ZNF442: variants seen among roughly 807,000 people sequenced by gnomAD.
ZNF442 encodes zinc finger protein 442.
ZNF442 carries 45 observed loss-of-function variants against 57.0 expected under a neutral mutation model. The observed-to-expected ratio is 0.79, with a 90% CI of 0.62 to 1.01. The LOEUF is 1.01. ZNF442 is among the 50% of genes least tolerant of loss of function. ZNF442 has a pLI of 0.00. For missense variants in ZNF442, 690 were observed against 756.5 expected (o/e 0.91, Z 1.03); for synonymous variants, 213 against 241.8 (o/e 0.88, Z 1.10).
rs1014900412 is a variant in ZNF442, at chr19:12,348,794, T to G, written c.*907A>C. Reference sequence around the variant, plus strand: ...ATCATCATGATCATGATCATCATCATCATCCTTGGGTTATCAAGCAAGAAG... The same window carrying G: ...ATCATCATGATCATGATCATCATCAGCATCCTTGGGTTATCAAGCAAGAAG... On this transcript the variant is annotated 3_prime_UTR_variant, in exon 6 of 6. Coordinates refer to ENST00000242804, the MANE Select transcript of ZNF442 (RefSeq NM_030824.3). 6.6e-6 allele frequency: 1 copy of G among 152,084 alleles called. No homozygotes were observed. The highest frequency in any genetic ancestry group is 2.4e-5 in the African/African-American group (1 of 41,392). The allele number at this position is 152,084 out of a possible 1,614,324, so 9.4% of individuals were successfully genotyped here.
the ZNF442 span, among the ~76,000 whole-genome samples, chr19:12,371,684 C>T: frequency 6.6e-6 from 1 of 152,150 alleles, no homozygotes; most frequent in Non-Finnish European, 1.5e-5. Context: ...CTGACAAAAT[C>T]AAGCAATGGG....
chr19:12,357,974 T>C (rs1969361474), intron 3 of ZNF442, among the ~76,000 whole-genome samples: 1 of 151,556 alleles, frequency 6.6e-6, no homozygotes, highest in African/African-American at 2.4e-5. Context: ...TTTTTTTTTT[T>C]TTTTTTGAGA....
rs1750393084 is a variant in ZNF442 at position 12,365,572 on chromosome 19, GT to G, written c.-523del. 2.4e-6 allele frequency: 1 copy of G among 423,688 alleles called. No homozygotes were observed. Among genetic ancestry groups the G allele is most frequent in the Non-Finnish European group, 4.4e-6 (1 of 228,494 alleles). 26.2% of individuals were successfully genotyped at this position (423,688 alleles called of 1,614,324 possible). A position where few individuals can be genotyped will look rare whatever the true frequency, so the allele number is the denominator to read the frequency against. ...CGCGGTGTCCCGTGTTCTCCCCAAG[GT>G]TCCCCGCTGCCAGCATAGGACTCAG... On this transcript the variant is annotated 5_prime_UTR_variant, in exon 1 of 6. An upstream open reading frame in the 5' UTR gains an earlier in-frame stop. Transcript: ENST00000242804.
intron 3 of ZNF442, among the ~76,000 whole-genome samples, chr19:12,362,544 T>TG (rs2144841945): frequency 6.8e-6 from 1 of 147,750 alleles, no homozygotes; most frequent in East Asian, 2.1e-4. Flanking sequence ...CTCCAGGAGG[T>TG]GGGGGACAGC....
At chr19:12,361,869 G>A (rs1277621792) in intron 3 of ZNF442, among the ~76,000 whole-genome samples, 9 of 152,154 alleles carry the variant, frequency 5.9e-5, no homozygotes, top group South Asian at 2.1e-4. Flanking sequence ...GCAGGAGCAC[G>A]CCACCACGCC....
At chr19:12,367,321 G>A (rs1322146651), upstream of ZNF442, among the ~76,000 whole-genome samples, 1 of 152,084 alleles carries the variant, frequency 6.6e-6, no homozygotes, top group African/African-American at 2.4e-5. Context: ...TAGGGGAGGG[G>A]GTGTACGAAC....
At chr19:12,356,470 A>C (rs975713172) in intron 3 of ZNF442, among the ~76,000 whole-genome samples, 2 of 152,110 alleles carry the variant, frequency 1.3e-5, no homozygotes, top group Non-Finnish European at 2.9e-5. Flanking sequence ...TCTACTAAAA[A>C]TACAAAATTA....
chr19:12,350,817 T>C lies in ZNF442; in HGVS notation c.768A>G (p.Glu256=), dbSNP rs1430121870. The C allele has an allele frequency of 1.2e-6, 2 of 1,613,818 alleles. No individual in the cohort carries two copies. Among genetic ancestry groups the C allele is most frequent in the African/African-American group, 2.7e-5 (2 of 74,838 alleles). The part of the protein sequence containing the change: ...FPIYSSYLRH[E]RTHTGEKPYE... ...ATGGTTTCTCCCCAGTGTGTGTTCT[T>C]TCATGTCTTAGATAGGAACTGTAAA... Residue 256 remains glutamate (E), a synonymous_variant, in exon 6 of 6, where the codon GAA becomes GAG. Coordinates refer to ENST00000242804, the MANE Select transcript of ZNF442 (RefSeq NM_030824.3).
intron 3 of ZNF442, among the ~76,000 whole-genome samples, chr19:12,353,854 T>G (rs1599588855): frequency 6.6e-6 from 1 of 152,074 alleles, no homozygotes; most frequent in East Asian, 1.9e-4. Context: ...AAATGGGTAG[T>G]GACAGAGTTG....
chr19:12,368,924 C>T (rs536546015), upstream of ZNF442, among the ~76,000 whole-genome samples: 4 of 152,026 alleles, frequency 2.6e-5, no homozygotes, highest in South Asian at 2.1e-4. Context: ...GTGTCCTCTG[C>T]GCAGTGTGAA....
In ZNF442 at chr19:12,364,962, G is replaced by A. The variant is rs923866727; in HGVS notation, c.-201C>T. ...CTTGAATTCCAACGGAAAGGCTGGC[G>A]CCAAGCAGGGTGAAAACCCCACGAG... is the stretch of plus-strand genomic sequence containing the variant. On this transcript the variant is annotated 5_prime_UTR_variant, in exon 2 of 6. Coordinates refer to ENST00000242804, the MANE Select transcript of ZNF442 (RefSeq NM_030824.3). 6.6e-6 allele frequency: 1 copy of A among 152,244 alleles called. No homozygotes were observed. Among genetic ancestry groups the A allele is most frequent in the African/African-American group, 2.4e-5 (1 of 41,410 alleles). The allele number at this position is 152,244 out of a possible 1,614,324, so 9.4% of individuals were successfully genotyped here.
At chr19:12,362,477 C>T (rs866394790) in intron 3 of ZNF442, among the ~76,000 whole-genome samples, 58 of 148,396 alleles carry the variant, frequency 3.9e-4, no homozygotes, top group African/African-American at 1.2e-3. Flanking sequence ...GGAGCCCCTC[C>T]GCCCAGCAGC....
chr19:12,346,136 T>C lies in ZNF442; in HGVS notation c.*3565A>G, dbSNP rs1309582176. ...TCAAATAAGGGCTTAATACCCACAG[T>C]GTATAAAGAATTCCTACAACTCTCT... On this transcript the variant is annotated 3_prime_UTR_variant, in exon 6 of 6. Coordinates refer to ENST00000242804, the MANE Select transcript of ZNF442 (RefSeq NM_030824.3). 6.6e-6 allele frequency: 1 copy of C among 152,078 alleles called. No homozygotes were observed. The highest frequency in any genetic ancestry group is 1.5e-5 in the Non-Finnish European group (1 of 68,020). 9.4% of individuals were successfully genotyped at this position (152,078 alleles called of 1,614,324 possible). A position where few individuals can be genotyped will look rare whatever the true frequency, so the allele number is the denominator to read the frequency against.
intron 3 of ZNF442, 38 bp downstream of exon 3, chr19:12,363,515 TC>T (rs776727859): frequency 6.2e-7 from 1 of 1,601,306 alleles, no homozygotes; most frequent in Non-Finnish European, 8.6e-7. Context: ...AATGGGAGGT[TC>T]TTGCACAACT....
the ZNF442 span, among the ~76,000 whole-genome samples, chr19:12,371,532 G>T: frequency 4.0e-4 from 61 of 152,308 alleles, 2 homozygotes; most frequent in Middle Eastern, 3.4e-3. Flanking sequence ...CAATTAACTA[G>T]TTCATTACTG....
upstream of ZNF442, among the ~76,000 whole-genome samples, chr19:12,366,740 C>T (rs1969536124): frequency 6.6e-6 from 1 of 152,158 alleles, no homozygotes; most frequent in African/African-American, 2.4e-5. Flanking sequence ...AAGCAATTCT[C>T]CTGCCTCAGC....
At chr19:12,363,738 A>G (rs2144846165) in intron 2 of ZNF442, 67 bp from the exon 3 acceptor site, 1 of 1,005,894 alleles carries the variant, frequency 9.9e-7, no homozygotes, top group East Asian at 2.4e-5. Flanking sequence ...GTATACCAGA[A>G]TATTCCTCCC....
At position 12,350,042 on chromosome 19, in the gene ZNF442, G is replaced by GT. The variant is rs1389738506; in HGVS notation, c.1542dup (p.Pro515ThrfsTer3). ...TTCTTACATGTTTTACATTCATAAG[G>GT]TTTTTCAGCCATGTGAGTCCTTCTA... On this transcript the variant is annotated frameshift_variant, in exon 6 of 6. Transcript: ENST00000242804. LOFTEE classifies it high-confidence loss of function. 6.2e-7 allele frequency: 1 copy of GT among 1,613,740 alleles called. No homozygotes were observed. Among genetic ancestry groups the GT allele is most frequent in the East Asian group, 2.2e-5 (1 of 44,860 alleles).
At chr19:12,364,483 T>C (rs1969498016) in intron 2 of ZNF442, among the ~76,000 whole-genome samples, 1 of 151,274 alleles carries the variant, frequency 6.6e-6, no homozygotes, top group Non-Finnish European at 1.5e-5. Context: ...ATTAAAATAC[T>C]GGGACTCTGA....
Sources: gnomAD v4.1 joint callset for allele counts (sites outside exome capture counted in the v4.1 genomes callset) on GRCh38, gnomAD v4.1.1 for gene constraint, MANE v1.5 for transcripts, NCBI Gene and HGNC (gene_info 2026-07-23, HGNC 2026-07-21) for gene names.